The following LRRC72 variants were observed in gnomAD, a reference collection of about 807,000 sequenced individuals.
The protein encoded by LRRC72 is leucine-rich repeat-containing protein 72.
Under a neutral mutation model 35.8 loss-of-function variants are expected in LRRC72, and 41 were observed. The ratio of observed to expected loss-of-function variants is 1.15; its 90% confidence interval spans 0.89 to 1.49. The LOEUF is 1.49. LRRC72 is among the 40% of genes most tolerant of loss of function. LRRC72 has a pLI of 0.00. For synonymous variants in LRRC72, 118 were observed against 119.2 expected (o/e 0.99, Z 0.07); for missense variants, 389 against 330.7 (o/e 1.18, Z -1.37).
At chr7:16,566,079 G>T (rs866479722) in intron 5 of LRRC72, among the ~76,000 whole-genome samples, 10 of 152,310 alleles carry the variant, frequency 6.6e-5, no homozygotes, top group African/African-American at 1.7e-4. Context: ...CCTTAGCACA[G>T]TTCCTAGTGG....
At position 16,558,966 on chromosome 7, in the gene LRRC72, G is replaced by A. The variant is rs1183867823; in HGVS notation, c.394G>A (p.Glu132Lys). ...AACCAACATTGATGCAACAGTGAAGGAATTAAAGGGAATGCTAAATCTGAA... is the reference window on the plus strand; with the variant it reads ...AACCAACATTGATGCAACAGTGAAGAAATTAAAGGGAATGCTAAATCTGAA... ...ELTNIDATVK[E>K]LKGMLNLKIL... Residue 132 changes from glutamate to lysine, a missense_variant, in exon 5 of 9, where the codon GAA becomes AAA. Transcript: ENST00000401542. The A allele has an allele frequency of 7.2e-6, 11 of 1,535,390 alleles. No individual in the cohort carries two copies. The highest frequency in any genetic ancestry group is 7.0e-6 in the Non-Finnish European group (8 of 1,137,450).
At chr7:16,554,188 G>C (rs1002041259) in intron 3 of LRRC72, among the ~76,000 whole-genome samples, 8 of 152,112 alleles carry the variant, frequency 5.3e-5, no homozygotes, top group African/African-American at 1.9e-4. Flanking sequence ...AAAGTAGCTG[G>C]GTGCGGTGGC....
At chr7:16,548,995 C>A (rs10274650) in intron 3 of LRRC72, among the ~76,000 whole-genome samples, 16,322 of 152,148 alleles carry the variant, frequency 0.11, 972 homozygotes, top group East Asian at 0.15. Context: ...CTGTTCCCCT[C>A]GAACTTAGCA....
intron 8 of LRRC72, among the ~76,000 whole-genome samples, chr7:16,580,776 A>G (rs1783129748): frequency 6.6e-6 from 1 of 152,232 alleles, no homozygotes; most frequent in African/African-American, 2.4e-5. Context: ...TTTTATATTC[A>G]TTGGAATTTA....
chr7:16,563,795 A>G (rs1179895620), intron 5 of LRRC72, among the ~76,000 whole-genome samples: 4 of 152,346 alleles, frequency 2.6e-5, no homozygotes, highest in East Asian at 1.9e-4. Context: ...ATTTAACTCA[A>G]TTTTTAAAGT....
At position 16,575,194 on chromosome 7, in the gene LRRC72, A is replaced by T. The variant is rs545478468; in HGVS notation, c.671-4880A>T. On this transcript the variant is annotated intron_variant, in intron 7 of 8. Transcript: ENST00000401542. Reference sequence around the variant, plus strand: ...ACCACCTTGGGCACATGTTCTCAGGATCTCCTGAGGGCTGTGTGATAGGCC... The same window carrying T: ...ACCACCTTGGGCACATGTTCTCAGGTTCTCCTGAGGGCTGTGTGATAGGCC... Among the ~76,000 whole-genome samples, 7 of 152,200 alleles carry T rather than the reference A, an allele frequency of 4.6e-5. No homozygotes were observed. The East Asian group carries it at 1.4e-3, about 29-fold the overall frequency.
intron 7 of LRRC72, among the ~76,000 whole-genome samples, chr7:16,577,759 C>CATAT (rs558769414): frequency 2.6e-5 from 4 of 152,042 alleles, no homozygotes; most frequent in Non-Finnish European, 5.9e-5. Context: ...ATGGACAAGA[C>CATAT]ATATATACAA....
At chr7:16,581,006 T>G in intron 8 of LRRC72, among the ~76,000 whole-genome samples, 1 of 152,318 alleles carries the variant, frequency 6.6e-6, no homozygotes, top group South Asian at 2.1e-4. Context: ...TATGCATAGA[T>G]CTATAAATAT....
Position 16,526,840 on chromosome 7 carries a change from G to A in LRRC72, c.-113G>A, listed in dbSNP as rs1473654642. The A allele has an allele frequency of 8.6e-6, 7 of 810,392 alleles. No homozygotes were observed. The highest frequency in any genetic ancestry group is 1.7e-5 in the African/African-American group (1 of 59,188). The allele number at this position is 810,392 out of a possible 1,614,324, so 50.2% of individuals were successfully genotyped here. A position where few individuals can be genotyped will look rare whatever the true frequency, so the allele number is the denominator to read the frequency against. The stretch of plus-strand genomic sequence containing the variant: ...ACTGGCTTTTAGTCAACGGGAATGC[G>A]GTAACTGTTGGTAACAGAACAACGA... On this transcript the variant is annotated 5_prime_UTR_variant, in exon 1 of 9. Transcript: ENST00000401542.
chr7:16,556,337 C>A (rs902127504), intron 3 of LRRC72, among the ~76,000 whole-genome samples: 2 of 152,054 alleles, frequency 1.3e-5, no homozygotes, highest in Non-Finnish European at 2.9e-5. Flanking sequence ...TTAAGGAACA[C>A]CCAAAACTCT....
chr7:16,545,542 CT>C lies in LRRC72; in HGVS notation c.234+7848del, dbSNP rs926851459. On this transcript the variant is annotated intron_variant, in intron 3 of 8. Transcript: ENST00000401542. ...GTTTATTCATTTATACATACAATAC[CT>C]TGTTCCAAAAAACTATTTAGAGCAG... Among the ~76,000 whole-genome samples the C allele has an allele frequency of 3.3e-5, 5 of 151,730 alleles. No individual in the cohort carries two copies. In the East Asian group the frequency reaches 9.7e-4, roughly 29 times the overall value.
intron 7 of LRRC72, among the ~76,000 whole-genome samples, chr7:16,575,066 G>T (rs576720314): frequency 1.0e-4 from 15 of 147,526 alleles, no homozygotes; most frequent in Non-Finnish European, 2.1e-4. Context: ...AGTGAGGTGA[G>T]ATCGCATCAC....
chr7:16,561,765 G>C (rs763648257), intron 5 of LRRC72, among the ~76,000 whole-genome samples: 5 of 152,152 alleles, frequency 3.3e-5, no homozygotes, highest in Non-Finnish European at 1.5e-5. Flanking sequence ...TAAAGATATT[G>C]TATGAAAAAT....
At chr7:16,572,432 G>T (rs923205115) in intron 7 of LRRC72, among the ~76,000 whole-genome samples, 2 of 152,168 alleles carry the variant, frequency 1.3e-5, no homozygotes, top group Non-Finnish European at 2.9e-5. Flanking sequence ...GAATCCAGCA[G>T]CACATCAAAA....
intron 7 of LRRC72, 38 bp from the exon 8 acceptor site, chr7:16,580,035 AT>A: frequency 2.4e-6 from 1 of 408,998 alleles, no homozygotes; most frequent in Non-Finnish European, 4.5e-6. Flanking sequence ...CTGGATAAAT[AT>A]TTTAAAATAC....
chr7:16,572,016 G>A (rs1222554653), intron 7 of LRRC72, among the ~76,000 whole-genome samples: 2 of 152,148 alleles, frequency 1.3e-5, no homozygotes, highest in East Asian at 1.9e-4. Context: ...GGGGGGAGGG[G>A]CATCTGCCAA....
In LRRC72 at chr7:16,537,686, A is replaced by G; in HGVS notation, c.224A>G (p.His75Arg). The change falls in exon 3 of 9, where the codon CAT becomes CGT. Residue 75 changes from histidine (H) to arginine (R), a missense_variant. Transcript: ENST00000401542. ...RFKKLKYLWL[H>R]HNKLHGITFL... ...AAAAAATTAAAATACTTATGGCTTCATCATAACAAGGTAGTGTTTTATTTT... is the reference window on the plus strand; with the variant it reads ...AAAAAATTAAAATACTTATGGCTTCGTCATAACAAGGTAGTGTTTTATTTT... 6 of 1,491,770 alleles carry G rather than the reference A, an allele frequency of 4.0e-6. No individual in the cohort carries two copies. The highest frequency in any genetic ancestry group is 1.4e-5 in the African/African-American group (1 of 71,468). 92.4% of individuals were successfully genotyped at this position (1,491,770 alleles called of 1,614,324 possible).
chr7:16,567,340 C>A, intron 6 of LRRC72, 51 bp from the exon 7 acceptor site: 1 of 1,222,214 alleles, frequency 8.2e-7, no homozygotes, highest in Non-Finnish European at 1.1e-6. Flanking sequence ...TTTTGAATCA[C>A]TCCGCCTATT....
At chr7:16,548,082 A>G (rs996079405) in intron 3 of LRRC72, among the ~76,000 whole-genome samples, 3 of 152,266 alleles carry the variant, frequency 2.0e-5, no homozygotes, top group Admixed American at 6.5e-5. Context: ...TGAAGAGACA[A>G]CAGGACGACC....
Sources: gnomAD v4.1 joint callset for allele counts (sites outside exome capture counted in the v4.1 genomes callset) on GRCh38, gnomAD v4.1.1 for gene constraint, MANE v1.5 for transcripts, NCBI Gene and HGNC (gene_info 2026-07-23, HGNC 2026-07-21) for gene names.